Variants in BAHD1 observed in about 807,000 individuals in gnomAD.
BAHD1 encodes bromo adjacent homology domain-containing 1 protein.
In BAHD1, 20 loss-of-function variants were observed where a neutral mutation model predicts 63.1. The ratio of observed to expected loss-of-function variants is 0.32; its 90% CI spans 0.22 to 0.46. The LOEUF (loss-of-function observed/expected upper bound fraction) is 0.46. Ranked by LOEUF, BAHD1 falls within the 20% of genes least tolerant of loss-of-function variation. The pLI, the probability that BAHD1 is intolerant of heterozygous loss-of-function variation, is 1.00. For missense variants in BAHD1, 939 were observed against 1,071.8 expected, an observed-to-expected ratio of 0.88 and a Z score of 1.73; for synonymous variants, 408 against 426.8, an observed-to-expected ratio of 0.96 and a Z score of 0.54.
At chr15:40,445,766 C>T (rs953338349) in intron 1 of BAHD1, among the ~76,000 whole-genome samples, 4 of 152,192 alleles carry the variant, frequency 2.6e-5, no homozygotes, top group African/African-American at 7.2e-5. Flanking sequence ...AGTACTACCC[C>T]GACCCAAGTA....
rs74011154 is a variant in BAHD1 at position 40,444,209 on chromosome 15, G to C, written c.-15+2941G>C. 2.7e-3 allele frequency among the ~76,000 whole-genome samples: 413 copies of C among 152,270 alleles called. 2 individuals carry two copies. Among genetic ancestry groups the C allele is most frequent in the African/African-American group, 9.6e-3 (397 of 41,522 alleles). ...ATAAATGTGGTTGGTTGCTGAGTTA[G>C]GCAGGAACAAGGGGGAGACCTTCCT... is the stretch of plus-strand genomic sequence containing the variant. On this transcript the variant is annotated intron_variant, in intron 1 of 6. Coordinates refer to ENST00000416165, the MANE Select transcript of BAHD1 (RefSeq NM_014952.5).
chr15:40,439,091 C>T (rs972335247), upstream of BAHD1, among the ~76,000 whole-genome samples: 1 of 152,204 alleles, frequency 6.6e-6, no homozygotes, highest in African/African-American at 2.4e-5. Flanking sequence ...TGCCGGGAAC[C>T]TCTGTCCTGT....
chr15:40,457,127 C>T lies in BAHD1; in HGVS notation c.-14-1324C>T, dbSNP rs975363319. ...CTGGGCTTCCCCCACCTCCTTGCAT[C>T]CTGCCCCTGCCTACAAAGAGGGAGA... On this transcript the variant is annotated intron_variant, in intron 1 of 6. Transcript: ENST00000416165. Among the ~76,000 whole-genome samples the T allele has an allele frequency of 1.1e-4, 17 of 152,310 alleles. No homozygotes were observed. In the South Asian group the frequency reaches 1.2e-3, roughly 11 times the overall value.
upstream of BAHD1, among the ~76,000 whole-genome samples, chr15:40,439,521 T>C (rs1257875085): frequency 6.6e-6 from 1 of 152,182 alleles, no homozygotes; most frequent in Non-Finnish European, 1.5e-5. Flanking sequence ...GGCTGGGTTT[T>C]CCTTGCTTGC....
chr15:40,443,145 A>T (rs1893448733), intron 1 of BAHD1: 1 of 412,750 alleles, frequency 2.4e-6, no homozygotes, highest in Non-Finnish European at 3.3e-6. Context: ...GTCCCACCTC[A>T]GGTAGGGCTG....
intron 3 of BAHD1, among the ~76,000 whole-genome samples, chr15:40,463,630 G>A (rs1428985788): frequency 6.6e-6 from 1 of 152,198 alleles, no homozygotes; most frequent in East Asian, 1.9e-4. Context: ...GGTGGTCAGA[G>A]CTCAGCCCCA....
Position 40,461,907 on chromosome 15 carries a change from C to A in BAHD1, c.1433-5C>A, listed in dbSNP as rs1894054188. The A allele has an allele frequency of 1.3e-5, 21 of 1,586,238 alleles. No individual in the cohort carries two copies. The highest frequency in any genetic ancestry group is 1.8e-5 in the Non-Finnish European group (21 of 1,162,466). On this transcript the variant is annotated splice_polypyrimidine_tract_variant and splice_region_variant and intron_variant, in intron 2 of 6. Transcript: ENST00000416165. Reference sequence around the variant, plus strand: ...CCTGTCCTGACCACTCTCTCCCTTTCCTAGAAGGCTGCAGATCCCTGGGCC... The same window carrying A: ...CCTGTCCTGACCACTCTCTCCCTTTACTAGAAGGCTGCAGATCCCTGGGCC...
At chr15:40,464,826 GT>G in intron 5 of BAHD1, 1 of 489,478 alleles carries the variant, frequency 2.0e-6, no homozygotes, top group Admixed American at 3.4e-5. Context: ...AAGTGGATGT[GT>G]TCCCCTGGAA....
chr15:40,460,720 A>C (rs1001085831), intron 2 of BAHD1, among the ~76,000 whole-genome samples: 1 of 152,178 alleles, frequency 6.6e-6, no homozygotes, highest in Non-Finnish European at 1.5e-5. Flanking sequence ...CATGCTGGCC[A>C]GCAGGTCTGC....
At chr15:40,461,117 G>A (rs988423105) in intron 2 of BAHD1, among the ~76,000 whole-genome samples, 2 of 152,276 alleles carry the variant, frequency 1.3e-5, no homozygotes, top group Non-Finnish European at 2.9e-5. Context: ...GACTATGGGC[G>A]AGTCAGTAAC....
At chr15:40,440,035 G>T (rs1034025097), upstream of BAHD1, 1 of 152,356 alleles carries the variant, frequency 6.6e-6, no homozygotes, top group Admixed American at 6.5e-5. Flanking sequence ...CTCCTGTCAG[G>T]CTGCCCGCCC....
chr15:40,458,619 G>A lies in BAHD1; in HGVS notation c.155G>A (p.Arg52His), dbSNP rs763869841. Residue 52 changes from arginine (R) to histidine (H), a missense_variant, in exon 2 of 7, where the codon CGC becomes CAC. Coordinates refer to ENST00000416165, the MANE Select transcript of BAHD1 (RefSeq NM_014952.5). This position sits in a 1 kb window ranked among gnomAD's most constrained non-coding sequence, Gnocchi z 4.7. ...PESPGHLTGR[R>H]KNYPLRKRPL... Reference sequence around the variant, plus strand: ...AGCCCAGGTCACCTCACAGGGCGCCGCAAGAATTACCCACTTCGTAAGCGC... The same window carrying A: ...AGCCCAGGTCACCTCACAGGGCGCCACAAGAATTACCCACTTCGTAAGCGC... 84 of 1,613,986 alleles carry A rather than the reference G, an allele frequency of 5.2e-5. No individual in the cohort carries two copies. The highest frequency in any genetic ancestry group is 2.5e-4 in the African/African-American group (19 of 75,026).
chr15:40,440,890 G>A (rs1262641002), upstream of BAHD1, among the ~76,000 whole-genome samples: 1 of 152,164 alleles, frequency 6.6e-6, no homozygotes, highest in Non-Finnish European at 1.5e-5. Context: ...GCCGAGGGGC[G>A]CGCTGCTGAT....
Position 40,442,841 on chromosome 15 carries a change from G to A in BAHD1, c.-15+1573G>A, listed in dbSNP as rs185743015. On this transcript the variant is annotated intron_variant, in intron 1 of 6. Transcript: ENST00000416165. ...TCCTCCCTACTCTCTTCACCTCGCT[G>A]TCTTCCACAAAAAAAAAGAAAAAGG... 1.6e-3 allele frequency among the ~76,000 whole-genome samples: 243 copies of A among 152,204 alleles called. 1 individual carries two copies. The highest frequency in any genetic ancestry group is 5.6e-3 in the African/African-American group (232 of 41,536).
intron 1 of BAHD1, among the ~76,000 whole-genome samples, chr15:40,441,915 TCGG>T (rs896716453): frequency 6.7e-5 from 10 of 150,166 alleles, no homozygotes; most frequent in Non-Finnish European, 1.3e-4. Flanking sequence ...CCCGACTCGA[TCGG>T]GCTGAGAGGA....
chr15:40,442,104 T>G (rs1468585681), intron 1 of BAHD1, among the ~76,000 whole-genome samples: 2 of 152,092 alleles, frequency 1.3e-5, no homozygotes, highest in Non-Finnish European at 2.9e-5. Flanking sequence ...GGCCTGGTCT[T>G]GCCCTGCTCG....
chr15:40,441,292 G>A (rs1289817901), intron 1 of BAHD1, 24 bp downstream of exon 1: 2 of 151,090 alleles, frequency 1.3e-5, no homozygotes, highest in African/African-American at 4.8e-5. Flanking sequence ...CGGGGTCGAG[G>A]AGGGGGAAGG....
In BAHD1 at chr15:40,462,137, C is replaced by G; in HGVS notation, c.1658C>G (p.Ser553Cys). 1.2e-6 allele frequency: 2 copies of G among 1,612,420 alleles called. No individual in the cohort carries two copies. Among genetic ancestry groups the G allele is most frequent in the South Asian group, 1.1e-5 (1 of 91,086 alleles). ...SGSKSGLRTG[S>C]SCRHTARSKA... Reference sequence around the variant, plus strand: ...TCTAAGTCAGGTCTGCGCACAGGCTCCAGCTGCAGGCACACTGCAAGGAGC... The same window carrying G: ...TCTAAGTCAGGTCTGCGCACAGGCTGCAGCTGCAGGCACACTGCAAGGAGC... Residue 553 changes from serine (S) to cysteine (C), a missense_variant, in exon 3 of 7, where the codon TCC (serine) becomes TGC (cysteine). By Grantham distance (112) the Ser-to-Cys change is moderately radical (BLOSUM62 -1). Transcript: ENST00000416165.
In BAHD1 at chr15:40,466,044, C is replaced by T; in HGVS notation, c.2257C>T (p.Pro753Ser). ...TTCCACCCCACCCCACCGCACAGTG[C>T]CAGAGGACACGGACCCTGAGCTGGT... ...DYSTPPHRTV[P>S]EDTDPELVFL... The change falls in exon 7 of 7, where the codon CCA becomes TCA. Residue 753 changes from proline to serine, a missense_variant. Around this residue, in one of 5 missense-constraint regions of BAHD1, gnomAD observed 68 missense variants for 86.2 expected, o/e 0.79. Transcript: ENST00000416165. 1 of 1,614,144 alleles carries T rather than the reference C, an allele frequency of 6.2e-7. No individual in the cohort carries two copies. The highest frequency in any genetic ancestry group is 8.5e-7 in the Non-Finnish European group (1 of 1,179,982).
Sources: allele counts gnomAD v4.1 joint callset (sites outside exome capture counted in the v4.1 genomes callset), GRCh38; gene constraint gnomAD v4.1.1; regional missense constraint gnomAD v4.1.1; non-coding constraint Gnocchi (gnomAD v3.1); transcripts MANE v1.5; gene names NCBI Gene and HGNC (gene_info 2026-07-23, HGNC 2026-07-21).